The following VPS41 variants were observed in gnomAD, a reference collection of about 807,000 sequenced individuals.
VPS41 encodes the protein vacuolar protein sorting-associated protein 41 homolog.
A neutral mutation model predicts 130.9 loss-of-function variants in VPS41; 85 were observed. That is an observed-to-expected ratio of 0.65 (90% CI 0.55 to 0.78). The LOEUF (loss-of-function observed/expected upper bound fraction) is 0.78. Among genes scored for constraint, VPS41 ranks in the 30% least tolerant of loss-of-function variants. The pLI, the probability that VPS41 is intolerant of heterozygous loss-of-function variation, is 0.00. For missense variants in VPS41, 874 were observed against 1,018.7 expected (o/e 0.86, Z 1.93); for synonymous variants, 335 against 332.9 (o/e 1.01, Z -0.07).
chr7:38,790,029 T>C (rs1004276728), intron 9 of VPS41, among the ~76,000 whole-genome samples, 162 bp from the exon 10 acceptor site: 6 of 152,354 alleles, frequency 3.9e-5, no homozygotes, highest in South Asian at 4.1e-4. Context: ...AAATGACATA[T>C]AGCAATCACT....
At chr7:38,818,390 CT>C (rs1366714349) in intron 6 of VPS41, among the ~76,000 whole-genome samples, 1 of 152,158 alleles carries the variant, frequency 6.6e-6, no homozygotes, top group Non-Finnish European at 1.5e-5. Context: ...GAGAACAGAG[CT>C]ACAGGCCCAA....
chr7:38,763,843 TCA>T (rs1783972346), intron 16 of VPS41, among the ~76,000 whole-genome samples: 1 of 152,172 alleles, frequency 6.6e-6, no homozygotes, highest in African/African-American at 2.4e-5. Context: ...AGGGAGAAAG[TCA>T]CAGAGATGAA....
rs753020504 is a variant in VPS41, at chr7:38,745,569, A to T, written c.1971T>A (p.Val657=). ...CQQRNFVEET[V]YLLSRMGNSR... ...ATAAAAGCTACTTACTCAGAAGATA[A>T]ACTGTCTCTTCTACAAAGTTTCTCT... The change falls in exon 23 of 29, where the codon GTT becomes GTA. Residue 657 remains valine, a synonymous_variant. Coordinates refer to ENST00000310301, the MANE Select transcript of VPS41 (RefSeq NM_014396.4). 2.5e-6 allele frequency: 4 copies of T among 1,609,304 alleles called. No homozygotes were observed. The highest frequency in any genetic ancestry group is 3.4e-6 in the Non-Finnish European group (4 of 1,178,398).
At chr7:38,864,693 A>G (rs1041911687) in intron 3 of VPS41, among the ~76,000 whole-genome samples, 37 of 152,282 alleles carry the variant, frequency 2.4e-4, no homozygotes, top group Admixed American at 1.8e-3. Flanking sequence ...ACATAAATAC[A>G]AATTCTCAAA....
intron 4 of VPS41, among the ~76,000 whole-genome samples, chr7:38,846,444 C>T (rs1473137): frequency 0.32 from 48,104 of 152,008 alleles, 7,826 homozygotes; most frequent in East Asian, 0.45. Flanking sequence ...CGATAATTTG[C>T]GTACGCAAAG....
At chr7:38,730,976 T>C (rs190647380) in intron 25 of VPS41, among the ~76,000 whole-genome samples, 3 of 152,268 alleles carry the variant, frequency 2.0e-5, no homozygotes, top group African/African-American at 4.8e-5. Context: ...TCTAAACAGG[T>C]ACAATCTGTC....
chr7:38,866,450 A>G (rs1226008302), intron 3 of VPS41, among the ~76,000 whole-genome samples: 1 of 152,200 alleles, frequency 6.6e-6, no homozygotes, highest in Non-Finnish European at 1.5e-5. Flanking sequence ...ACCAGGACTT[A>G]GCAAATGGCT....
chr7:38,789,793 A>C lies in VPS41; in HGVS notation c.784+8T>G. 1 of 1,613,508 alleles carries C rather than the reference A, an allele frequency of 6.2e-7. No homozygotes were observed. Among genetic ancestry groups the C allele is most frequent in the Non-Finnish European group, 8.5e-7 (1 of 1,179,532 alleles). On this transcript the variant is annotated splice_region_variant and intron_variant, in intron 10 of 28. Coordinates refer to ENST00000310301, the MANE Select transcript of VPS41 (RefSeq NM_014396.4). ...TACATCCACAGAAGGCAAGTGTTGG[A>C]GCCATACCTATTTCAACATATCGAC...
intron 17 of VPS41, among the ~76,000 whole-genome samples, chr7:38,759,778 T>C (rs919365102): frequency 7.2e-5 from 11 of 152,170 alleles, no homozygotes; most frequent in African/African-American, 2.4e-4. Context: ...AGTCAGCTAC[T>C]TTCCCCACCA....
At chr7:38,870,078 A>G (rs1265029164) in intron 2 of VPS41, among the ~76,000 whole-genome samples, 1 of 152,194 alleles carries the variant, frequency 6.6e-6, no homozygotes, top group African/African-American at 2.4e-5. Flanking sequence ...GTGTAGGACA[A>G]GAGGCTGAGA....
At chr7:38,789,254 A>G (rs1421678897) in intron 10 of VPS41, among the ~76,000 whole-genome samples, 1 of 152,128 alleles carries the variant, frequency 6.6e-6, no homozygotes, top group Non-Finnish European at 1.5e-5. Context: ...GAAAAGACAG[A>G]AATGTATCAA....
At chr7:38,842,001 T>C (rs1039556467) in intron 4 of VPS41, among the ~76,000 whole-genome samples, 4 of 152,236 alleles carry the variant, frequency 2.6e-5, no homozygotes, top group Middle Eastern at 6.3e-3. Flanking sequence ...GGCCTCTCTT[T>C]AGAGCTGCAT....
intron 2 of VPS41, among the ~76,000 whole-genome samples, chr7:38,883,206 C>T (rs1048054798): frequency 1.3e-5 from 2 of 152,190 alleles, no homozygotes; most frequent in Non-Finnish European, 2.9e-5. Context: ...TCGGCCGCTG[C>T]GCTCCAGCCT....
intron 22 of VPS41, among the ~76,000 whole-genome samples, chr7:38,750,158 C>T (rs1282130640): frequency 3.3e-5 from 5 of 152,206 alleles, no homozygotes; most frequent in Admixed American, 3.3e-4. Context: ...TGGGCTACCA[C>T]ACCCAACCAG....
chr7:38,788,689 T>A (rs1037386607), intron 10 of VPS41, among the ~76,000 whole-genome samples: 2 of 152,226 alleles, frequency 1.3e-5, no homozygotes, highest in Non-Finnish European at 2.9e-5. Flanking sequence ...TTGTCTCTTA[T>A]CTTGGTCCTC....
At chr7:38,863,093 G>A (rs1375731923) in intron 3 of VPS41, among the ~76,000 whole-genome samples, 3 of 152,184 alleles carry the variant, frequency 2.0e-5, no homozygotes, top group African/African-American at 7.2e-5. Context: ...ATGCCATATT[G>A]AGAGACCGAA....
intron 7 of VPS41, among the ~76,000 whole-genome samples, chr7:38,798,922 C>T (rs1363777491): frequency 6.6e-6 from 1 of 152,104 alleles, no homozygotes; most frequent in Non-Finnish European, 1.5e-5. Flanking sequence ...CCAGTGAAGG[C>T]CATGATTTAA....
At chr7:38,801,842 C>T (rs1403418708) in intron 7 of VPS41, among the ~76,000 whole-genome samples, 1 of 152,198 alleles carries the variant, frequency 6.6e-6, no homozygotes. Flanking sequence ...ACCATACACA[C>T]AATGCGTTTG....
intron 2 of VPS41, among the ~76,000 whole-genome samples, chr7:38,886,669 T>C (rs1281700073): frequency 6.6e-6 from 1 of 152,188 alleles, no homozygotes; most frequent in South Asian, 2.1e-4. Context: ...GGAGCAGTGG[T>C]TCTCCCAGCA....
Sources: allele counts gnomAD v4.1 joint callset (sites outside exome capture counted in the v4.1 genomes callset), GRCh38; gene constraint gnomAD v4.1.1; transcripts MANE v1.5; gene names NCBI Gene and HGNC (gene_info 2026-07-23, HGNC 2026-07-21).